PRB3: variants seen among roughly 807,000 people sequenced by gnomAD.
PRB3 encodes basic salivary proline-rich protein 3.
Under a neutral mutation model 10.0 loss-of-function variants are expected in PRB3, and 9 were observed. The observed-to-expected ratio is 0.90, with a 90% CI of 0.54 to 1.57. PRB3 has a LOEUF of 1.57. Among genes scored for constraint, PRB3 ranks in the 40% most tolerant of loss-of-function variants. The pLI is 0.00. For missense variants in PRB3, 285 were observed against 385.5 expected, an observed-to-expected ratio of 0.74 and a Z score of 2.18; for synonymous variants, 89 against 138.6, an observed-to-expected ratio of 0.64 and a Z score of 2.52.
chr12:11,267,131 C>T (rs763693654), intron 3 of PRB3, 45 bp downstream of exon 3: 23 of 1,534,742 alleles, frequency 1.5e-5, no homozygotes, highest in Non-Finnish European at 2.0e-5. Flanking sequence ...AGTTGGAGAA[C>T]TGTAACACTT....
At chr12:11,267,023 C>T (rs1434507998) in intron 3 of PRB3, among the ~76,000 whole-genome samples, 153 bp downstream of exon 3, 1 of 152,232 alleles carries the variant, frequency 6.6e-6, no homozygotes, top group Non-Finnish European at 1.5e-5. Flanking sequence ...ACAGGGTCTT[C>T]TTACCCTATT....
rs747249527 is a variant in PRB3, at chr12:11,267,351, G to A, written c.898C>T (p.Gln300Ter). The change falls in exon 3 of 4, where the codon CAA becomes TAA. Residue 300 changes from glutamine (Q) to a stop codon, truncating the protein, a stop_gained. Transcript: ENST00000538488. LOFTEE classifies it low-confidence loss of function (END_TRUNC). Reference sequence around the variant, plus strand: ...GGCCTTCCTGGAGGAGGGGGACGTTGAGGTTTGTTACCTTCTTGTGGGGGT... The same window carrying A: ...GGCCTTCCTGGAGGAGGGGGACGTTAAGGTTTGTTACCTTCTTGTGGGGGT... ...GPPPQEGNKP[Q>*]RPPPPGRPQG... is the part of the protein sequence containing the mutation. 7.5e-6 allele frequency: 12 copies of A among 1,608,438 alleles called. No homozygotes were observed. In the Admixed American group the frequency reaches 1.8e-4, roughly 25 times the overall value.
chr12:11,267,133 G>A, intron 3 of PRB3, 43 bp downstream of exon 3: 1 of 1,540,836 alleles, frequency 6.5e-7, no homozygotes, highest in Non-Finnish European at 9.0e-7. Flanking sequence ...TTGGAGAACT[G>A]TAACACTTAG....
rs1592170632 is a variant in PRB3, at chr12:11,267,180, C to T, written c.*13G>A. The T allele has an allele frequency of 6.2e-7, 1 of 1,600,946 alleles. No homozygotes were observed. Among genetic ancestry groups the T allele is most frequent in the Non-Finnish European group, 8.6e-7 (1 of 1,168,136 alleles). ...AAGAATAAACTGGAATCATACCTGT[C>T]ATTGAACCTTGATTACTGGGGAGGC... On this transcript the variant is annotated 3_prime_UTR_variant, in exon 3 of 4. Transcript: ENST00000538488.
At chr12:11,268,212 T>C (rs1042812355) in intron 2 of PRB3, 64 bp from the exon 3 acceptor site, 3 of 1,609,890 alleles carry the variant, frequency 1.9e-6, no homozygotes, top group South Asian at 1.1e-5. Context: ...GTAACGCAGC[T>C]AAATGGGGAA....
chr12:11,267,928 T>TGTTG lies in PRB3; in HGVS notation c.320_321insCAAC (p.Gln109LysfsTer190), dbSNP rs1948610342. 6.5e-7 allele frequency: 1 copy of TGTTG among 1,530,462 alleles called. No individual in the cohort carries two copies. Among genetic ancestry groups the TGTTG allele is most frequent in the African/African-American group, 1.9e-5 (1 of 53,674 alleles). 94.8% of individuals were successfully genotyped at this position (1,530,462 alleles called of 1,614,324 possible). ...GAGGTGGGGGACCTTGGGACTGGTT[T>TGTTG]CCTCCTTGTGGGGGTTGTCCTTCTG... is the stretch of plus-strand genomic sequence containing the variant. On this transcript the variant is annotated frameshift_variant, in exon 3 of 4. Transcript: ENST00000538488. LOFTEE classifies it low-confidence loss of function (END_TRUNC).
intron 1 of PRB3, 150 bp from the exon 2 acceptor site, chr12:11,268,818 G>A: frequency 2.0e-6 from 2 of 993,874 alleles, no homozygotes; most frequent in Non-Finnish European, 3.2e-6. Context: ...TGCTGGAAGG[G>A]GAGGAAGGTG....
At chr12:11,268,870 G>A (rs956642601) in intron 1 of PRB3, 2 of 671,428 alleles carry the variant, frequency 3.0e-6, no homozygotes, top group Non-Finnish European at 5.2e-6. Flanking sequence ...CAACAGCCAT[G>A]AACTCAATAT....
intron 2 of PRB3, 81 bp downstream of exon 2, chr12:11,268,552 G>A: frequency 6.8e-7 from 1 of 1,476,594 alleles, no homozygotes; most frequent in Non-Finnish European, 9.5e-7. Context: ...GGAAAATGTT[G>A]GTGAGAAGAC....
chr12:11,268,751 T>G lies in PRB3; in HGVS notation c.65-83A>C, dbSNP rs916816993. ...CAGGTGTTCTACAGGGAAAGGGGAC[T>G]TCTCACCACACCCCATGCATCCCCT... On this transcript the variant is annotated intron_variant, in intron 1 of 3. Transcript: ENST00000538488. 2 of 1,444,232 alleles carry G rather than the reference T, an allele frequency of 1.4e-6. 1 individual carries two copies. Among genetic ancestry groups the G allele is most frequent in the Non-Finnish European group, 1.9e-6 (2 of 1,025,762 alleles). 89.5% of individuals were successfully genotyped at this position (1,444,232 alleles called of 1,614,324 possible).
chr12:11,268,167 C>T lies in PRB3; in HGVS notation c.101-19G>A, dbSNP rs752671157. ...GGCTTTCCTGGAGGAGGTGGACACA[C>T]GGCATTCACTGAATAGTTGCCGCAA... On this transcript the variant is annotated intron_variant, in intron 2 of 3. Coordinates refer to ENST00000538488, the MANE Select transcript of PRB3 (RefSeq NM_001394862.1). 26 of 1,530,356 alleles carry T rather than the reference C, an allele frequency of 1.7e-5. No individual in the cohort carries two copies. In the Admixed American group the frequency reaches 1.7e-4, roughly 10 times the overall value. The allele number at this position is 1,530,356 out of a possible 1,614,324, so 94.8% of individuals were successfully genotyped here. A position where few individuals can be genotyped will look rare whatever the true frequency, so the allele number is the denominator to read the frequency against.
rs760108848 is a variant in PRB3 at position 11,267,209 on chromosome 12, C to T, written c.1040G>A (p.Gly347Glu). 9 of 1,613,558 alleles carry T rather than the reference C, an allele frequency of 5.6e-6. No homozygotes were observed. The East Asian group carries it at 1.8e-4, about 32-fold the overall frequency. Residue 347 changes from glycine (G) to glutamate (E), a missense_variant, in exon 3 of 4, where the codon GGA becomes GAA. Transcript: ENST00000538488. ...GAACCTTGATTACTGGGGAGGCTGT[C>T]CCTGGGGAGGTCTGTGTGGTCTGCC... ...QGGRPHRPPQ[G>E]QPPQ
rs376742029 is a variant in PRB3 at position 11,267,274 on chromosome 12, G to C, written c.975C>G (p.Pro325=). The C allele has an allele frequency of 6.2e-7, 1 of 1,613,404 alleles. No individual in the cohort carries two copies. The highest frequency in any genetic ancestry group is 1.1e-5 in the South Asian group (1 of 91,020). Residue 325 remains proline (P), a synonymous_variant, in exon 3 of 4, where the codon CCC becomes CCG. Transcript: ENST00000538488. ...GAGGTGGTCCCTGGGGCTTTCCAGC[G>C]GGAGGTGGCAGAGGCTGCTGGGGAT... ...GGNPQQPLPP[P]AGKPQGPPPP... is the part of the protein sequence containing the mutation.
Position 11,269,463 on chromosome 12 carries a change from G to A in PRB3, c.64+143C>T. The A allele has an allele frequency of 4.3e-6, 4 of 928,572 alleles. No individual in the cohort carries two copies. The South Asian group carries it at 5.6e-5, about 13-fold the overall frequency. 57.5% of individuals were successfully genotyped at this position (928,572 alleles called of 1,614,324 possible). ...ATTAGAAGCCCTTGGTGTGGAATGAGGGCACAACAGGTCTCCTGATCCTAG... is the reference window on the plus strand; with the variant it reads ...ATTAGAAGCCCTTGGTGTGGAATGAAGGCACAACAGGTCTCCTGATCCTAG... On this transcript the variant is annotated intron_variant, in intron 1 of 3. Transcript: ENST00000538488.
At chr12:11,266,174 T>A (rs1287335637) in intron 3 of PRB3, 145 bp from the exon 4 acceptor site, 2 of 353,352 alleles carry the variant, frequency 5.7e-6, no homozygotes, top group Non-Finnish European at 1.1e-5. Context: ...TCTTTCCTGA[T>A]TTTTTCTGTG....
At chr12:11,268,942 C>T (rs1387823423) in intron 1 of PRB3, among the ~76,000 whole-genome samples, 1 of 152,198 alleles carries the variant, frequency 6.6e-6, no homozygotes, top group Admixed American at 6.5e-5. Context: ...TTAGTTTACA[C>T]ATGCCAGGTA....
At chr12:11,268,189 G>T in intron 2 of PRB3, 41 bp from the exon 3 acceptor site, 1 of 1,613,282 alleles carries the variant, frequency 6.2e-7, no homozygotes, top group South Asian at 1.1e-5. Flanking sequence ...AATAGTTGCC[G>T]CAAATTTTTA....
rs188177633 is a variant in PRB3, at chr12:11,267,381, C to T, written c.868G>A (p.Gly290Arg). 6.2e-7 allele frequency: 1 copy of T among 1,601,966 alleles called. No homozygotes were observed. The highest frequency in any genetic ancestry group is 2.3e-5 in the East Asian group (1 of 42,958). ...GPPPHPGKPQ[G>R]PPPQEGNKPQ... ...TTGTTACCTTCTTGTGGGGGTGGTC[C>T]TTGTGGCTTTCCTGGATGAGGTGGG... The change falls in exon 3 of 4, where the codon GGA becomes AGA. Residue 290 changes from glycine to arginine, a missense_variant. Physicochemically the swap from Gly to Arg is moderately radical, Grantham distance 125. Around this residue, in one of 3 missense-constraint regions of PRB3, gnomAD observed 108 missense variants for 106.9 expected, o/e 1.01. Transcript: ENST00000538488.
intron 3 of PRB3, 34 bp from the exon 4 acceptor site, chr12:11,266,063 G>C (rs1314248624): frequency 2.2e-6 from 1 of 454,684 alleles, no homozygotes; most frequent in Non-Finnish European, 4.4e-6. Context: ...TCATAGAGCA[G>C]ACTTGACATG....
Sources: allele counts gnomAD v4.1 joint callset (sites outside exome capture counted in the v4.1 genomes callset), GRCh38; gene constraint gnomAD v4.1.1; regional missense constraint gnomAD v4.1.1; transcripts MANE v1.5; gene names NCBI Gene and HGNC (gene_info 2026-07-23, HGNC 2026-07-21).